BTNL8: variants seen among roughly 807,000 people sequenced by gnomAD.
BTNL8 encodes butyrophilin like 8, also known as butyrophilin-like protein 8.
A neutral mutation model predicts 36.1 loss-of-function variants in BTNL8; 22 were observed. The ratio of observed to expected loss-of-function variants is 0.61; its 90% confidence interval spans 0.44 to 0.87. The LOEUF (loss-of-function observed/expected upper bound fraction) is 0.87, where lower values mean the gene tolerates loss of function less well. BTNL8 is among the 40% of genes least tolerant of loss of function. The pLI is 0.00. For missense variants in BTNL8, 526 were observed against 616.9 expected (o/e 0.85, Z 1.56); for synonymous variants, 203 against 235.6 (o/e 0.86, Z 1.27).
At position 180,902,333 on chromosome 5, in the gene BTNL8, C is replaced by T. The variant is rs1429201471; in HGVS notation, c.49+2974C>T. ...CTTAAAAATAAAAACATTAATAATA[C>T]ACATTTCTGCAGGTGCTCCTCAAGA... On this transcript the variant is annotated intron_variant, in intron 1 of 7. Transcript: ENST00000340184. 3 of 1,546,368 alleles carry T rather than the reference C, an allele frequency of 1.9e-6. No homozygotes were observed. The African/African-American group carries it at 4.1e-5, about 21-fold the overall frequency.
At position 180,933,546 on chromosome 5, in the gene BTNL8, G is replaced by A. The variant is rs868356263; in HGVS notation, c.674-13966G>A. 5.3e-5 allele frequency among the ~76,000 whole-genome samples: 8 copies of A among 152,006 alleles called. No individual in the cohort carries two copies. The East Asian group carries it at 5.8e-4, about 11-fold the overall frequency. On this transcript the variant is annotated intron_variant, in intron 3 of 7. Coordinates refer to ENST00000340184, the MANE Select transcript of BTNL8 (RefSeq NM_001040462.3). ...AACAACATGCTTTCAAACAACCATC[G>A]GGTCGCAGGAAAAAACAAGAATGAA... is the stretch of plus-strand genomic sequence containing the variant.
At chr5:180,910,294 G>A (rs1418662658) in intron 2 of BTNL8, among the ~76,000 whole-genome samples, 1 of 151,878 alleles carries the variant, frequency 6.6e-6, no homozygotes, top group Non-Finnish European at 1.5e-5. Context: ...CTTTCTTCAT[G>A]TCTAGAAAAT....
intron 3 of BTNL8, among the ~76,000 whole-genome samples, chr5:180,932,269 T>C (rs538526026): frequency 6.6e-6 from 1 of 152,332 alleles, no homozygotes; most frequent in South Asian, 2.1e-4. Flanking sequence ...GATGAGTTGA[T>C]GGGTGCGGCA....
In BTNL8 at chr5:180,933,751, C is replaced by T. The variant is rs182916449; in HGVS notation, c.674-13761C>T. Among the ~76,000 whole-genome samples, 8 of 152,136 alleles carry T rather than the reference C, an allele frequency of 5.3e-5. No individual in the cohort carries two copies. The East Asian group carries it at 1.5e-3, about 29-fold the overall frequency. ...GAACTAGAAAAAGAAAAAAGAATTA[C>T]ATCCAAAGAACAGAACAATAATAAG... On this transcript the variant is annotated intron_variant, in intron 3 of 7. Transcript: ENST00000340184.
intron 3 of BTNL8, among the ~76,000 whole-genome samples, chr5:180,922,380 T>C (rs1001520258): frequency 1.3e-5 from 2 of 152,022 alleles, no homozygotes; most frequent in Admixed American, 1.3e-4. Flanking sequence ...CCAGAGGTGC[T>C]GGTATGTTGT....
chr5:180,903,225 GT>G (rs1756908807), intron 1 of BTNL8, among the ~76,000 whole-genome samples: 1 of 120,678 alleles, frequency 8.3e-6, no homozygotes, highest in South Asian at 2.2e-4. Context: ...TCTAACTGGT[GT>G]GAGATGGTAT....
intron 3 of BTNL8, among the ~76,000 whole-genome samples, chr5:180,937,597 A>G (rs1758720010): frequency 6.6e-6 from 1 of 152,210 alleles, no homozygotes. Flanking sequence ...AATAGAGAGT[A>G]GAAAAACAGA....
intron 3 of BTNL8, among the ~76,000 whole-genome samples, chr5:180,946,990 A>G (rs1215480860): frequency 6.6e-6 from 1 of 152,250 alleles, no homozygotes; most frequent in Non-Finnish European, 1.5e-5. Context: ...TATAGATTCA[A>G]TACAATTCCA....
intron 3 of BTNL8, among the ~76,000 whole-genome samples, chr5:180,930,274 A>T (rs1758308331): frequency 6.6e-6 from 1 of 152,224 alleles, no homozygotes; most frequent in South Asian, 2.1e-4. Context: ...TCATGCTAAA[A>T]ACTCTCAATA....
chr5:180,941,040 G>A (rs1289419284), intron 3 of BTNL8, among the ~76,000 whole-genome samples: 1 of 151,372 alleles, frequency 6.6e-6, no homozygotes, highest in Non-Finnish European at 1.5e-5. Flanking sequence ...GCAGTGAGCC[G>A]AGATTGAGAT....
At chr5:180,938,209 T>C (rs965018518) in intron 3 of BTNL8, among the ~76,000 whole-genome samples, 3 of 152,172 alleles carry the variant, frequency 2.0e-5, no homozygotes, top group Admixed American at 6.5e-5. Context: ...ACAGGACTTA[T>C]GAAATACCAT....
intron 3 of BTNL8, among the ~76,000 whole-genome samples, chr5:180,941,826 C>T (rs1461946653): frequency 6.6e-6 from 1 of 151,900 alleles, no homozygotes; most frequent in Non-Finnish European, 1.5e-5. Context: ...ATGACAAACT[C>T]ACAGCTAACA....
intron 3 of BTNL8, among the ~76,000 whole-genome samples, chr5:180,943,546 A>G (rs764463080): frequency 1.3e-5 from 2 of 152,240 alleles, no homozygotes; most frequent in African/African-American, 2.4e-5. Context: ...AACTACAATG[A>G]GATAAAACAT....
chr5:180,921,893 T>C (rs1399472698), intron 3 of BTNL8, among the ~76,000 whole-genome samples: 1 of 152,000 alleles, frequency 6.6e-6, no homozygotes, highest in Non-Finnish European at 1.5e-5. Flanking sequence ...TGATAAATGG[T>C]TTTATGAAAC....
At chr5:180,900,273 A>C (rs1224920944) in intron 1 of BTNL8, among the ~76,000 whole-genome samples, 1 of 152,180 alleles carries the variant, frequency 6.6e-6, no homozygotes, top group Non-Finnish European at 1.5e-5. Flanking sequence ...TTTATTTTTA[A>C]AAACTCTTAT....
intron 1 of BTNL8, 139 bp downstream of exon 1, chr5:180,899,498 C>T: frequency 1.0e-6 from 1 of 980,014 alleles, no homozygotes; most frequent in Non-Finnish European, 1.6e-6. Flanking sequence ...GGGGAAGGAT[C>T]AGGCGCTGTG....
chr5:180,925,312 C>G (rs1017513858), intron 3 of BTNL8, among the ~76,000 whole-genome samples: 2 of 152,078 alleles, frequency 1.3e-5, no homozygotes, highest in African/African-American at 4.8e-5. Flanking sequence ...TGGATGTCAT[C>G]AATCAAATTC....
intron 3 of BTNL8, 139 bp downstream of exon 3, chr5:180,911,753 A>C (rs1757413808): frequency 1.1e-6 from 1 of 901,248 alleles, no homozygotes; most frequent in Admixed American, 3.0e-5. Context: ...AAAATCAATG[A>C]GATGTAAAAG....
Position 180,947,597 on chromosome 5 carries a change from A to G in BTNL8, c.759A>G (p.Gly253=). 6.2e-7 allele frequency: 1 copy of G among 1,614,192 alleles called. No individual in the cohort carries two copies. Among genetic ancestry groups the G allele is most frequent in the African/African-American group, 1.3e-5 (1 of 75,054 alleles). ...GTGGCCTATTTTTTGGCATTGTTGG[A>G]CTGAAGATTTTCTTCTCCAAATTCC... The part of the protein sequence containing the change: ...LCCGLFFGIV[G]LKIFFSKFQW... The change falls in exon 4 of 8, where the codon GGA becomes GGG. Residue 253 remains glycine, a synonymous_variant. Coordinates refer to ENST00000340184, the MANE Select transcript of BTNL8 (RefSeq NM_001040462.3).
Sources: gnomAD v4.1 joint callset for allele counts (sites outside exome capture counted in the v4.1 genomes callset) on GRCh38, gnomAD v4.1.1 for gene constraint, MANE v1.5 for transcripts, NCBI Gene and HGNC (gene_info 2026-07-23, HGNC 2026-07-21) for gene names.